CASK: variants seen among roughly 807,000 people sequenced by gnomAD.
CASK encodes the protein calcium/calmodulin dependent serine protein kinase, also known as peripheral plasma membrane protein CASK.
In CASK, 4 loss-of-function variants were observed where a neutral mutation model predicts 82.9. That is an observed-to-expected ratio of 0.05 (90% CI 0.02 to 0.11). The LOEUF is 0.11. Among genes scored for constraint, CASK ranks in the 10% least tolerant of loss-of-function variants. The probability of loss-of-function intolerance (pLI) is 1.00; values close to 1 mark genes in which losing one functional copy is unlikely to be tolerated. For synonymous variants in CASK, 259 were observed against 253.5 expected, an observed-to-expected ratio of 1.02 and a Z score of -0.20; for missense variants, 358 against 720.9, an observed-to-expected ratio of 0.50 and a Z score of 5.76.
chrX:41,798,088 G>C (rs774400084), intron 2 of CASK, among the ~76,000 whole-genome samples: 13 of 111,957 alleles, frequency 1.2e-4, no homozygotes, highest in Non-Finnish European at 3.8e-5. Flanking sequence ...CACTTGGAAA[G>C]AATATTTAAG....
chrX:41,883,773 T>G (rs1230570574), intron 1 of CASK, among the ~76,000 whole-genome samples: 1 of 111,460 alleles, frequency 9.0e-6, no homozygotes, highest in Non-Finnish European at 1.9e-5. Flanking sequence ...AAGAAAAATG[T>G]GCTCCCCAAA....
intron 1 of CASK, among the ~76,000 whole-genome samples, chrX:41,861,378 G>T (rs1265052541): frequency 9.1e-6 from 1 of 110,236 alleles, no homozygotes; most frequent in Non-Finnish European, 1.9e-5. Flanking sequence ...TAATAGAGAA[G>T]AAAAAAGATT....
At chrX:41,546,595 G>A (rs1485579776) in intron 21 of CASK, among the ~76,000 whole-genome samples, 2 of 111,011 alleles carry the variant, frequency 1.8e-5, no homozygotes, top group Non-Finnish European at 3.8e-5. Flanking sequence ...AGCCTCTTGA[G>A]TAGCTGGGAC....
At chrX:41,595,749 C>T (rs2065812120) in intron 12 of CASK, among the ~76,000 whole-genome samples, 1 of 111,815 alleles carries the variant, frequency 8.9e-6, no homozygotes, top group Non-Finnish European at 1.9e-5. Flanking sequence ...TGACCCTGCC[C>T]TGCTGATATG....
intron 1 of CASK, among the ~76,000 whole-genome samples, chrX:41,881,248 T>C (rs1002724713): frequency 9.0e-6 from 1 of 111,547 alleles, no homozygotes; most frequent in Non-Finnish European, 1.9e-5. Flanking sequence ...AGTATACTAG[T>C]AGAAAGAATA....
At chrX:41,922,639 G>A in intron 1 of CASK, among the ~76,000 whole-genome samples, 1 of 111,943 alleles carries the variant, frequency 8.9e-6, no homozygotes, top group Non-Finnish European at 1.9e-5. Flanking sequence ...CTATAAAATC[G>A]GCTGTGCCAC....
chrX:41,779,312 G>C (rs1314058560), intron 3 of CASK, among the ~76,000 whole-genome samples: 2 of 112,325 alleles, frequency 1.8e-5, no homozygotes, highest in Non-Finnish European at 3.8e-5. Flanking sequence ...CATTTCACAT[G>C]TGTTGTCACA....
chrX:41,596,453 G>A (rs1481050676), intron 12 of CASK, among the ~76,000 whole-genome samples: 1 of 112,279 alleles, frequency 8.9e-6, no homozygotes, highest in African/African-American at 3.2e-5. Context: ...TTAAATTCAA[G>A]TTATATTGGA....
At chrX:41,771,274 A>C (rs990828964) in intron 3 of CASK, among the ~76,000 whole-genome samples, 4 of 112,111 alleles carry the variant, frequency 3.6e-5, no homozygotes, top group Non-Finnish European at 5.6e-5. Context: ...TACCCAGTGA[A>C]TATCCTTCAT....
At chrX:41,658,306 T>G (rs1297249814) in intron 8 of CASK, among the ~76,000 whole-genome samples, 1 of 112,059 alleles carries the variant, frequency 8.9e-6, no homozygotes, top group East Asian at 2.8e-4. Context: ...CAATTTGTAG[T>G]TGGTTGGCAG....
chrX:41,754,167 G>A (rs969221435), intron 3 of CASK, among the ~76,000 whole-genome samples: 1 of 111,404 alleles, frequency 9.0e-6, no homozygotes, highest in Non-Finnish European at 1.9e-5. Context: ...GGAGGCTGAG[G>A]TGGGAGGATC....
chrX:41,517,450 AT>A lies in CASK; in HGVS notation c.*2969del, dbSNP rs1325652546. ...TGACATTTCCCTTTTTAGCATTAAA[AT>A]GGGATATGCTGTATGTGCAAAGTAA... On this transcript the variant is annotated 3_prime_UTR_variant, in exon 27 of 27. Coordinates refer to ENST00000378163, the MANE Select transcript of CASK (RefSeq NM_001367721.1). 1.2e-5 allele frequency: 2 copies of A among 170,257 alleles called. No homozygotes were observed. Among genetic ancestry groups the A allele is most frequent in the Non-Finnish European group, 2.2e-5 (2 of 90,688 alleles). The allele number at this position is 170,257 out of a possible 1,213,427, so 14.0% of individuals were successfully genotyped here.
chrX:41,545,663 TAAAC>T (rs2065012456), intron 21 of CASK, among the ~76,000 whole-genome samples: 1 of 112,035 alleles, frequency 8.9e-6, no homozygotes, highest in African/African-American at 3.2e-5. Context: ...ATGTAGACTT[TAAAC>T]TTAGCTTGTC....
At chrX:41,796,525 T>C (rs2069857062) in intron 2 of CASK, among the ~76,000 whole-genome samples, 1 of 112,205 alleles carries the variant, frequency 8.9e-6, no homozygotes, top group Admixed American at 9.4e-5. Flanking sequence ...CTACAGTTTT[T>C]TGGGAAATCA....
intron 5 of CASK, chrX:41,729,804 A>ATG (rs1243998639): frequency 3.2e-5 from 3 of 92,767 alleles, no homozygotes; most frequent in East Asian, 8.3e-4. Context: ...ATATATATAT[A>ATG]TATGTATGTA....
chrX:41,883,497 C>T (rs998556678), intron 1 of CASK, among the ~76,000 whole-genome samples: 8 of 111,368 alleles, frequency 7.2e-5, no homozygotes, highest in African/African-American at 2.6e-4. Context: ...TGGCTATTAA[C>T]TCAAAAGCTG....
At chrX:41,628,035 A>T (rs1241972330) in intron 9 of CASK, among the ~76,000 whole-genome samples, 4 of 111,843 alleles carry the variant, frequency 3.6e-5, no homozygotes, top group African/African-American at 1.3e-4. Context: ...ATTAAAATGG[A>T]CTTATCTTAC....
At chrX:41,887,284 G>A (rs2072065837) in intron 1 of CASK, among the ~76,000 whole-genome samples, 1 of 88,178 alleles carries the variant, frequency 1.1e-5, no homozygotes, top group Admixed American at 1.3e-4. Context: ...CTTTCTTTTA[G>A]GCTAGTTGAG....
At chrX:41,828,646 C>CTATACTGATG (rs772555721) in intron 2 of CASK, among the ~76,000 whole-genome samples, 1 of 111,707 alleles carries the variant, frequency 9.0e-6, no homozygotes, top group Non-Finnish European at 1.9e-5. Flanking sequence ...ATAAAATCTA[C>CTATACTGATG]TATACTGATG....
Sources: gnomAD v4.1 joint callset for allele counts (sites outside exome capture counted in the v4.1 genomes callset) on GRCh38, gnomAD v4.1.1 for gene constraint, MANE v1.5 for transcripts, NCBI Gene and HGNC (gene_info 2026-07-23, HGNC 2026-07-21) for gene names.